Variants in BRINP3 observed in about 807,000 individuals in gnomAD.
The protein encoded by BRINP3 is BMP/retinoic acid-inducible neural-specific protein 3.
In BRINP3, 19 loss-of-function variants were observed where a neutral mutation model predicts 71.0. That is an observed-to-expected ratio of 0.27 (90% CI 0.19 to 0.39). The LOEUF (loss-of-function observed/expected upper bound fraction) is 0.39. BRINP3 is among the 10% of genes least tolerant of loss of function. The probability of loss-of-function intolerance (pLI) is 1.00; values close to 1 mark genes in which losing one functional copy is unlikely to be tolerated. For missense variants in BRINP3, 959 were observed against 940.8 expected (o/e 1.02, Z -0.25); for synonymous variants, 380 against 337.7 (o/e 1.13, Z -1.37).
intron 4 of BRINP3, among the ~76,000 whole-genome samples, chr1:190,252,449 A>T (rs1660234168): frequency 1.3e-5 from 2 of 152,132 alleles, no homozygotes; most frequent in Admixed American, 1.3e-4. Context: ...CACTACACTG[A>T]AGCAGAAGAA....
At chr1:190,361,859 G>C (rs981965351) in intron 2 of BRINP3, among the ~76,000 whole-genome samples, 3 of 152,118 alleles carry the variant, frequency 2.0e-5, no homozygotes, top group African/African-American at 7.2e-5. Context: ...TTTGACAGGT[G>C]GTGGTAAATG....
rs138124780 is a variant in BRINP3 at position 190,177,193 on chromosome 1, C to T, written c.962-16303G>A. Among the ~76,000 whole-genome samples the T allele has an allele frequency of 1.7e-3, 193 of 112,360 alleles. 6 individuals carry two copies. In the East Asian group the frequency reaches 0.056, roughly 33 times the overall value. 73.7% of individuals were successfully genotyped at this position (112,360 alleles called of 152,430 possible). On this transcript the variant is annotated intron_variant, in intron 6 of 7. Coordinates refer to ENST00000367462, the MANE Select transcript of BRINP3 (RefSeq NM_199051.3). ...TTTTTTTTTTTTTGAGACAGAGTCT[C>T]ACTCTGTCACCCAGGCTGGAGTGCA...
intron 2 of BRINP3, among the ~76,000 whole-genome samples, chr1:190,368,860 A>C (rs1669679486): frequency 6.6e-6 from 1 of 152,184 alleles, no homozygotes; most frequent in Admixed American, 6.6e-5. Flanking sequence ...ATAGATTAGA[A>C]GGTTTATAAG....
At chr1:190,256,471 A>C (rs867496536) in intron 4 of BRINP3, among the ~76,000 whole-genome samples, 1 of 152,180 alleles carries the variant, frequency 6.6e-6, no homozygotes, top group Non-Finnish European at 1.5e-5. Context: ...TAATTGGGGC[A>C]TTTAGCCCAT....
intron 2 of BRINP3, among the ~76,000 whole-genome samples, chr1:190,398,363 A>C (rs1671714673): frequency 6.6e-6 from 1 of 152,010 alleles, no homozygotes; most frequent in African/African-American, 2.4e-5. Flanking sequence ...TATAGCTTAC[A>C]CTGAATATTT....
chr1:190,308,401 G>A (rs1024771277), intron 2 of BRINP3, among the ~76,000 whole-genome samples: 5 of 151,722 alleles, frequency 3.3e-5, no homozygotes, highest in African/African-American at 1.2e-4. Context: ...ATGGTTTCCA[G>A]CTTCATCCTT....
intron 3 of BRINP3, among the ~76,000 whole-genome samples, chr1:190,270,124 T>A (rs1661981582): frequency 6.6e-6 from 1 of 151,866 alleles, no homozygotes; most frequent in Admixed American, 6.6e-5. Context: ...GATACAAGTA[T>A]AAAGATATAT....
intron 1 of BRINP3, among the ~76,000 whole-genome samples, chr1:190,470,973 T>G (rs1250106557): frequency 6.6e-6 from 1 of 150,878 alleles, no homozygotes; most frequent in Non-Finnish European, 1.5e-5. Flanking sequence ...AATACTTTAT[T>G]TTAAACATTA....
At chr1:190,374,751 T>A (rs6679910) in intron 2 of BRINP3, among the ~76,000 whole-genome samples, 27,166 of 151,682 alleles carry the variant, frequency 0.18, 2,571 homozygotes, top group African/African-American at 0.23. Context: ...TGAAAAACAT[T>A]CATTTGAGGA....
At chr1:190,419,779 A>G (rs1673247963) in intron 2 of BRINP3, among the ~76,000 whole-genome samples, 1 of 151,870 alleles carries the variant, frequency 6.6e-6, no homozygotes. Flanking sequence ...TAATGAAACA[A>G]TAGTCACAAA....
rs1651384188 is a variant in BRINP3, at chr1:190,098,371, C to T, written c.1948G>A (p.Glu650Lys). The change falls in exon 8 of 8, where the codon GAG becomes AAG. Residue 650 changes from glutamate (E) to lysine (K), a missense_variant. By Grantham distance (56) the Glu-to-Lys change is moderately conservative (BLOSUM62 1). Coordinates refer to ENST00000367462, the MANE Select transcript of BRINP3 (RefSeq NM_199051.3). Reference protein sequence around the residue: ...GNESIYYEPLEFIDPSRNLGY... With the variant: ...GNESIYYEPLKFIDPSRNLGY... The stretch of plus-strand genomic sequence containing the variant: ...AGGTTCCGGGAAGGGTCAATAAACT[C>T]CAGAGGTTCATAGTAAATGCTCTCA... The T allele has an allele frequency of 6.2e-7, 1 of 1,614,116 alleles. No homozygotes were observed. Among genetic ancestry groups the T allele is most frequent in the Non-Finnish European group, 8.5e-7 (1 of 1,180,026 alleles).
intron 5 of BRINP3, among the ~76,000 whole-genome samples, chr1:190,227,745 T>C (rs1657536792): frequency 6.6e-6 from 1 of 151,884 alleles, no homozygotes; most frequent in African/African-American, 2.4e-5. Context: ...AAAGCTGGGT[T>C]ATATATTAAT....
chr1:190,350,544 G>A (rs1241794007), intron 2 of BRINP3, among the ~76,000 whole-genome samples: 4 of 152,106 alleles, frequency 2.6e-5, no homozygotes, highest in African/African-American at 9.7e-5. Context: ...TAATAACCAT[G>A]TGCATCCCTG....
At chr1:190,185,354 A>G (rs1653419104) in intron 6 of BRINP3, among the ~76,000 whole-genome samples, 1 of 152,090 alleles carries the variant, frequency 6.6e-6, no homozygotes, top group Non-Finnish European at 1.5e-5. Context: ...AAAAATGCTC[A>G]AGTCCCTGGT....
chr1:190,288,423 T>A (rs1663599399), intron 2 of BRINP3, among the ~76,000 whole-genome samples: 1 of 151,990 alleles, frequency 6.6e-6, no homozygotes. Flanking sequence ...ATTTTATTAT[T>A]TTAGATAGGG....
At chr1:190,267,470 A>G (rs1441428518) in intron 3 of BRINP3, among the ~76,000 whole-genome samples, 2 of 152,142 alleles carry the variant, frequency 1.3e-5, no homozygotes, top group Non-Finnish European at 2.9e-5. Context: ...ACACAGCTAA[A>G]GCACTGCTGA....
chr1:190,114,996 C>T (rs948331269), intron 7 of BRINP3, among the ~76,000 whole-genome samples: 10 of 152,118 alleles, frequency 6.6e-5, no homozygotes, highest in African/African-American at 2.4e-4. Context: ...GTAGCCCTCT[C>T]GATCATCCTT....
At position 190,229,178 on chromosome 1, in the gene BRINP3, C is replaced by A. The variant is rs192311449; in HGVS notation, c.725-2860G>T. Reference sequence around the variant, plus strand: ...TGGGTTATATGGTTTGGCTCTGTGTCCCCCACAAAATCTCACTTTGAACTG... The same window carrying A: ...TGGGTTATATGGTTTGGCTCTGTGTACCCCACAAAATCTCACTTTGAACTG... On this transcript the variant is annotated intron_variant, in intron 5 of 7. Transcript: ENST00000367462. 1.4e-3 allele frequency among the ~76,000 whole-genome samples: 212 copies of A among 152,080 alleles called. 4 individuals are homozygous for A. The highest frequency in any genetic ancestry group is 4.9e-3 in the African/African-American group (203 of 41,488).
chr1:190,381,729 G>A (rs531763886), intron 2 of BRINP3, among the ~76,000 whole-genome samples: 17 of 152,124 alleles, frequency 1.1e-4, no homozygotes, highest in African/African-American at 3.9e-4. Flanking sequence ...AAATCCATCA[G>A]CTAATTCTCA....
Sources: allele counts gnomAD v4.1 joint callset (sites outside exome capture counted in the v4.1 genomes callset), GRCh38; gene constraint gnomAD v4.1.1; transcripts MANE v1.5; gene names NCBI Gene and HGNC (gene_info 2026-07-23, HGNC 2026-07-21).